The following SEC31A variants were observed in gnomAD, a reference collection of about 807,000 sequenced individuals.
SEC31A encodes SEC31 homolog A, COPII component.
Under a neutral mutation model 151.0 loss-of-function variants are expected in SEC31A, and 70 were observed. The observed-to-expected ratio is 0.46, with a 90% CI of 0.38 to 0.57. The LOEUF (loss-of-function observed/expected upper bound fraction) is 0.57. Ranked by LOEUF, SEC31A falls within the 20% of genes least tolerant of loss-of-function variation. SEC31A has a pLI of 0.00. For missense variants in SEC31A, 1,330 were observed against 1,471.2 expected (o/e 0.90, Z 1.57); for synonymous variants, 475 against 505.9 (o/e 0.94, Z 0.82).
upstream of SEC31A, among the ~76,000 whole-genome samples, chr4:82,892,446 C>T (rs1311656236): frequency 6.6e-6 from 1 of 152,240 alleles, no homozygotes; most frequent in Non-Finnish European, 1.5e-5. Flanking sequence ...TGGGTCTCAA[C>T]CTATCTTTGC....
chr4:82,846,113 C>T (rs1267410667), intron 20 of SEC31A, among the ~76,000 whole-genome samples: 1 of 152,034 alleles, frequency 6.6e-6, no homozygotes, highest in African/African-American at 2.4e-5. Context: ...ATGCCATTCT[C>T]CTGCCTCAGC....
chr4:82,840,615 C>T (rs998807925), intron 22 of SEC31A, among the ~76,000 whole-genome samples: 1 of 152,110 alleles, frequency 6.6e-6, no homozygotes, highest in Non-Finnish European at 1.5e-5. Flanking sequence ...ATGATTTCAT[C>T]GTCGTGTGAA....
intron 12 of SEC31A, among the ~76,000 whole-genome samples, chr4:82,863,041 C>CA (rs1351725331): frequency 1.3e-5 from 2 of 152,134 alleles, no homozygotes; most frequent in Admixed American, 6.5e-5. Context: ...ACACATGCAA[C>CA]AACCTGCAAT....
chr4:82,824,504 C>A (rs757507865), intron 25 of SEC31A, 51 bp downstream of exon 25: 2 of 1,591,988 alleles, frequency 1.3e-6, no homozygotes, highest in Non-Finnish European at 1.7e-6. Context: ...CACACCTGGC[C>A]AAGGATTCTT....
rs763553191 is a variant in SEC31A, at chr4:82,864,521, GTGCTGCTGC to G, written c.1266_1274del (p.Gln422_Gln424del). The G allele has an allele frequency of 6.2e-7, 1 of 1,613,854 alleles. No homozygotes were observed. The highest frequency in any genetic ancestry group is 1.1e-5 in the South Asian group (1 of 91,070). On this transcript the variant is annotated inframe_deletion, in exon 11 of 27. Transcript: ENST00000395310. Reference sequence around the variant, plus strand: ...TTACAACCTGACTAATGAACACATGGTGCTGCTGCTGCTGCTGCTCAGCTCCCTGATGAG... The same window carrying G: ...TTACAACCTGACTAATGAACACATGGTGCTGCTGCTCAGCTCCCTGATGAG...
chr4:82,871,799 A>G, intron 7 of SEC31A, 145 bp downstream of exon 7: 1 of 965,806 alleles, frequency 1.0e-6, no homozygotes, highest in South Asian at 1.8e-5. Context: ...AGATCTTGCC[A>G]CTGCACTCCA....
rs970656593 is a variant in SEC31A, at chr4:82,859,131, G to GA, written c.1627-1368dup. On this transcript the variant is annotated intron_variant, in intron 14 of 26. Coordinates refer to ENST00000395310, the MANE Select transcript of SEC31A (RefSeq NM_001077207.4). ...TTTTAACTGAATCATAAAAAAAAAT[G>GA]AAAAAAAAATCACATGGTACCCATA... is the stretch of plus-strand genomic sequence containing the variant. Among the ~76,000 whole-genome samples, 44 of 149,252 alleles carry GA rather than the reference G, an allele frequency of 2.9e-4. No homozygotes were observed. The South Asian group carries it at 4.4e-3, about 15-fold the overall frequency.
intron 25 of SEC31A, among the ~76,000 whole-genome samples, 184 bp downstream of exon 25, chr4:82,824,371 T>C (rs1210939684): frequency 1.3e-5 from 2 of 152,098 alleles, no homozygotes; most frequent in Non-Finnish European, 2.9e-5. Flanking sequence ...ACACAGCTAA[T>C]TTTTTGTATT....
chr4:82,821,059 T>C lies in SEC31A; in HGVS notation c.3461A>G (p.Tyr1154Cys). The change falls in exon 26 of 27, where the codon TAT (tyrosine) becomes TGT (cysteine). Residue 1154 changes from tyrosine to cysteine, a missense_variant. By Grantham distance (194) the Tyr-to-Cys change is radical. Transcript: ENST00000395310. ...DDASKRLEFL[Y>C]DKLREQTLSP... is the part of the protein sequence containing the mutation. ...TACTGTCTGTTCCCTAAGTTTATCA[T>C]ACAGAAACTCCAAACGTTTGCTGGC... The C allele has an allele frequency of 1.9e-6, 3 of 1,613,938 alleles. No individual in the cohort carries two copies. The highest frequency in any genetic ancestry group is 2.5e-6 in the Non-Finnish European group (3 of 1,179,814).
chr4:82,877,698 A>ATTTCTTT (rs3081925), intron 4 of SEC31A: 111,618 of 150,834 alleles, frequency 0.74, 41,678 homozygotes, highest in Admixed American at 0.79. Flanking sequence ...TCTGCATTAC[A>ATTTCTTT]TTTCTTTTTT....
chr4:82,891,344 G>A, upstream of SEC31A: 1 of 673,238 alleles, frequency 1.5e-6, no homozygotes. Flanking sequence ...TCCGCTGGTT[G>A]GTGGCGCTCT....
rs180919842 is a variant in SEC31A at position 82,872,769 on chromosome 4, G to A, written c.640-683C>T. Among the ~76,000 whole-genome samples the A allele has an allele frequency of 2.4e-3, 371 of 152,034 alleles. 1 individual carries two copies. Among genetic ancestry groups the A allele is most frequent in the African/African-American group, 8.6e-3 (357 of 41,454 alleles). Reference sequence around the variant, plus strand: ...CCCAGGCTGGAGTGCAGTGTGGCACGATCTCAGCTCACTGCCACCTCCGCC... The same window carrying A: ...CCCAGGCTGGAGTGCAGTGTGGCACAATCTCAGCTCACTGCCACCTCCGCC... On this transcript the variant is annotated intron_variant, in intron 6 of 26. Transcript: ENST00000395310.
intron 8 of SEC31A, among the ~76,000 whole-genome samples, chr4:82,867,901 G>C (rs552282149): frequency 6.6e-6 from 1 of 152,332 alleles, no homozygotes; most frequent in Non-Finnish European, 1.5e-5. Flanking sequence ...CCAAAGTGCT[G>C]GGATTACAGG....
chr4:82,897,399 A>C lies in SEC31A; in HGVS notation c.-2+2314T>G, dbSNP rs78527650. On this transcript the variant is annotated intron_variant, in intron 3 of 28. Transcript: ENST00000355196. ...CAAACAATGAAAAATTCGGCAACAC[A>C]AAAGGGTAGGTCCTCAACAAGCAAG... 7.3e-3 allele frequency among the ~76,000 whole-genome samples: 1,118 copies of C among 152,334 alleles called. 16 individuals are homozygous for C. The highest frequency in any genetic ancestry group is 0.01 in the Middle Eastern group (3 of 294).
Position 82,875,799 on chromosome 4 carries a change from A to G in SEC31A, c.426T>C (p.Ala142=). The change falls in exon 5 of 27, where the codon GCT becomes GCC. Residue 142 remains alanine, a synonymous_variant. Coordinates refer to ENST00000395310, the MANE Select transcript of SEC31A (RefSeq NM_001077207.4). ...CCCATATGTAGATTTCAGATTCATTAGCACCAGAAGCTACCAGATTAGTCT... is the reference window on the plus strand; with the variant it reads ...CCCATATGTAGATTTCAGATTCATTGGCACCAGAAGCTACCAGATTAGTCT... The part of the protein sequence containing the change: ...IFQTNLVASG[A]NESEIYIWDL... The G allele has an allele frequency of 6.2e-7, 1 of 1,605,264 alleles. No individual in the cohort carries two copies. The highest frequency in any genetic ancestry group is 8.5e-7 in the Non-Finnish European group (1 of 1,174,912).
At chr4:82,852,402 T>C (rs1322248845) in intron 18 of SEC31A, among the ~76,000 whole-genome samples, 1 of 152,214 alleles carries the variant, frequency 6.6e-6, no homozygotes, top group Non-Finnish European at 1.5e-5. Flanking sequence ...GAGTTTACTA[T>C]TTTAACTCAA....
At chr4:82,886,775 TAAC>T (rs1740821539) in intron 1 of SEC31A, among the ~76,000 whole-genome samples, 2 of 152,230 alleles carry the variant, frequency 1.3e-5, no homozygotes, top group South Asian at 2.1e-4. Context: ...CATTTTATAA[TAAC>T]GTCATTATAT....
chr4:82,824,593 C>T lies in SEC31A; in HGVS notation c.3373G>A (p.Asp1125Asn), dbSNP rs1724121800. 2.5e-6 allele frequency: 4 copies of T among 1,613,834 alleles called. 1 individual carries two copies. The highest frequency in any genetic ancestry group is 1.3e-5 in the African/African-American group (1 of 74,882). The change falls in exon 25 of 27, where the codon GAT (aspartate) becomes AAT (asparagine). Residue 1125 changes from aspartate to asparagine, a missense_variant. Physicochemically the swap from Asp to Asn is conservative, Grantham distance 23. Transcript: ENST00000395310. ...EHLILKTTFE[D>N]LIQRCLSSAT... is the part of the protein sequence containing the mutation. ...GAAGAAAGGCAGCGCTGAATAAGAT[C>T]CTCAAATGTGGTCTTTAGAATGAGG...
intron 6 of SEC31A, among the ~76,000 whole-genome samples, chr4:82,873,513 A>G (rs1200251466): frequency 6.6e-6 from 1 of 152,232 alleles, no homozygotes. Context: ...ATTAGGAACT[A>G]TCTGCAAGTT....
Sources: allele counts gnomAD v4.1 joint callset (sites outside exome capture counted in the v4.1 genomes callset), GRCh38; gene constraint gnomAD v4.1.1; transcripts MANE v1.5; gene names NCBI Gene and HGNC (gene_info 2026-07-23, HGNC 2026-07-21).